The following MAPK10 variants were observed in gnomAD, a reference collection of about 807,000 sequenced individuals.
MAPK10 encodes JNK3 alpha protein kinase.
In MAPK10, 25 loss-of-function variants were observed where a neutral mutation model predicts 59.3. The ratio of observed to expected loss-of-function variants is 0.42; its 90% confidence interval spans 0.31 to 0.59. The LOEUF (loss-of-function observed/expected upper bound fraction) is 0.59. Among genes scored for constraint, MAPK10 ranks in the 20% least tolerant of loss-of-function variants. The pLI is 0.15. For missense variants in MAPK10, 351 were observed against 568.9 expected, an observed-to-expected ratio of 0.62 and a Z score of 3.90; for synonymous variants, 190 against 200.5, an observed-to-expected ratio of 0.95 and a Z score of 0.44.
intron 2 of MAPK10, among the ~76,000 whole-genome samples, chr4:86,273,233 AT>A (rs770059622): frequency 3.9e-5 from 6 of 152,072 alleles, no homozygotes; most frequent in Non-Finnish European, 7.4e-5. Context: ...TGAGAGAAGA[AT>A]TTTATCTTGC....
At chr4:86,432,253 T>C (rs994756165) in intron 1 of MAPK10, among the ~76,000 whole-genome samples, 1 of 151,984 alleles carries the variant, frequency 6.6e-6, no homozygotes, top group African/African-American at 2.4e-5. Flanking sequence ...GCATAAGAAT[T>C]GTTTTTTGCT....
intron 1 of MAPK10, among the ~76,000 whole-genome samples, chr4:86,486,975 A>G (rs1034854170): frequency 3.9e-5 from 6 of 152,104 alleles, no homozygotes; most frequent in Non-Finnish European, 8.8e-5. Flanking sequence ...ACATCAGACA[A>G]ACCCAAAGTG....
At chr4:86,019,379 C>T (rs2589514) in intron 13 of MAPK10, among the ~76,000 whole-genome samples, 79,142 of 151,980 alleles carry the variant, frequency 0.52, 22,223 homozygotes, top group African/African-American at 0.74. Context: ...TAAAGTCCTC[C>T]TGTTATTGTC....
chr4:86,551,499 ACTTC>A (rs1487108709), intron 1 of MAPK10, among the ~76,000 whole-genome samples: 2 of 152,014 alleles, frequency 1.3e-5, no homozygotes, highest in Admixed American at 6.6e-5. Flanking sequence ...ACATGAGTTT[ACTTC>A]CTTCCTTGTT....
chr4:86,389,153 A>G (rs1016734314), intron 1 of MAPK10, among the ~76,000 whole-genome samples: 3 of 152,040 alleles, frequency 2.0e-5, no homozygotes, highest in African/African-American at 7.2e-5. Flanking sequence ...GTTGTTTAAA[A>G]GTGTGTAGCA....
chr4:86,037,287 G>A (rs1056438722), intron 11 of MAPK10, among the ~76,000 whole-genome samples: 2 of 152,134 alleles, frequency 1.3e-5, no homozygotes, highest in Non-Finnish European at 2.9e-5. Flanking sequence ...TTGGGAGGCC[G>A]AGGTGGGCAG....
intron 1 of MAPK10, among the ~76,000 whole-genome samples, chr4:86,527,312 CAAAAAAAAA>C (rs57390422): frequency 8.0e-4 from 13 of 16,196 alleles, no homozygotes; most frequent in East Asian, 5.3e-3. Flanking sequence ...ACACTGTTGC[CAAAAAAAAA>C]AAAAAAAAAA....
At position 86,049,129 on chromosome 4, in the gene MAPK10, C is replaced by A. The variant is rs370803254; in HGVS notation, c.1110+15137G>T. ...AGGAGAGGGAGATGGGGAACAGAAT[C>A]ACTTGAGAGTGAGGATTTATTTCCA... On this transcript the variant is annotated intron_variant, in intron 11 of 13. Transcript: ENST00000641462. Among the ~76,000 whole-genome samples the A allele has an allele frequency of 1.9e-3, 293 of 152,100 alleles. 2 individuals are homozygous for A. In the South Asian group the frequency reaches 0.032, roughly 17 times the overall value.
At chr4:86,261,261 G>A (rs2093969392) in intron 2 of MAPK10, among the ~76,000 whole-genome samples, 2 of 152,176 alleles carry the variant, frequency 1.3e-5, no homozygotes, top group African/African-American at 4.8e-5. Context: ...CCACCTCTTT[G>A]GATGATACTG....
At chr4:86,589,403 G>A (rs955808346) in intron 1 of MAPK10, among the ~76,000 whole-genome samples, 3 of 152,176 alleles carry the variant, frequency 2.0e-5, no homozygotes, top group Admixed American at 2.0e-4. Flanking sequence ...AAATGTGAGC[G>A]GGCACAATGG....
intron 2 of MAPK10, among the ~76,000 whole-genome samples, chr4:86,263,001 T>C (rs930918214): frequency 1.3e-5 from 2 of 152,166 alleles, no homozygotes; most frequent in African/African-American, 4.8e-5. Flanking sequence ...GGAGATGAAG[T>C]ATTTACTCCT....
At chr4:86,351,407 ACAC>A (rs1426469287) in intron 2 of MAPK10, among the ~76,000 whole-genome samples, 4 of 151,110 alleles carry the variant, frequency 2.6e-5, no homozygotes, top group Admixed American at 6.6e-5. Context: ...ACACACACAC[ACAC>A]ACACACACAC....
chr4:86,167,918 G>C (rs968685726), intron 3 of MAPK10, among the ~76,000 whole-genome samples: 2 of 152,130 alleles, frequency 1.3e-5, no homozygotes, highest in Non-Finnish European at 2.9e-5. Context: ...TATTCAAATA[G>C]GAAAAGAGGA....
intron 4 of MAPK10, among the ~76,000 whole-genome samples, chr4:86,110,608 C>G (rs1001120115): frequency 6.6e-6 from 1 of 152,078 alleles, no homozygotes; most frequent in African/African-American, 2.4e-5. Flanking sequence ...TTTTTTGTAA[C>G]ATTACCATGC....
At chr4:86,229,410 C>G (rs2091197376) in intron 2 of MAPK10, among the ~76,000 whole-genome samples, 1 of 152,052 alleles carries the variant, frequency 6.6e-6, no homozygotes, top group Non-Finnish European at 1.5e-5. Context: ...TATGCCTACA[C>G]CTGAAAAAGG....
upstream of MAPK10, among the ~76,000 whole-genome samples, chr4:86,361,499 A>G (rs776843624): frequency 1.3e-5 from 2 of 152,176 alleles, no homozygotes; most frequent in Non-Finnish European, 2.9e-5. Flanking sequence ...AAGTTTGGAC[A>G]TCAAAAGTCA....
chr4:86,064,396 A>T lies in MAPK10; in HGVS notation c.986-6T>A. 2 of 1,611,148 alleles carry T rather than the reference A, an allele frequency of 1.2e-6. No individual in the cohort carries two copies. Among genetic ancestry groups the T allele is most frequent in the Non-Finnish European group, 1.7e-6 (2 of 1,179,258 alleles). ...CAAGTCCCTGGCTTGGCTGGCTGAA[A>T]CAATAAATGAGAAAAACAATTAGTA... On this transcript the variant is annotated splice_polypyrimidine_tract_variant and splice_region_variant and intron_variant, in intron 10 of 13. Coordinates refer to ENST00000641462, the MANE Select transcript of MAPK10 (RefSeq NM_138982.4).
intron 11 of MAPK10, among the ~76,000 whole-genome samples, chr4:86,062,521 A>C (rs2045937946): frequency 6.6e-6 from 1 of 152,142 alleles, no homozygotes; most frequent in Admixed American, 6.6e-5. Context: ...AGTGAATTAC[A>C]AATGCAGACT....
intron 2 of MAPK10, among the ~76,000 whole-genome samples, chr4:86,290,627 T>G (rs919794238): frequency 2.0e-5 from 3 of 152,170 alleles, no homozygotes; most frequent in Non-Finnish European, 4.4e-5. Context: ...GGGTTTTGGG[T>G]CTCTTTTATT....
Sources: allele counts gnomAD v4.1 joint callset (sites outside exome capture counted in the v4.1 genomes callset), GRCh38; gene constraint gnomAD v4.1.1; transcripts MANE v1.5; gene names NCBI Gene and HGNC (gene_info 2026-07-23, HGNC 2026-07-21).